ATP2B2: variants seen among roughly 807,000 people sequenced by gnomAD.
ATP2B2 encodes plasma membrane calcium-transporting ATPase 2.
ATP2B2 carries 15 observed loss-of-function variants against 120.0 expected under a neutral mutation model. The ratio of observed to expected loss-of-function variants is 0.12; its 90% CI spans 0.08 to 0.19. The LOEUF is 0.19. Ranked by LOEUF, ATP2B2 falls within the 10% of genes least tolerant of loss-of-function variation. The pLI, the probability that ATP2B2 is intolerant of heterozygous loss-of-function variation, is 1.00. For synonymous variants in ATP2B2, 694 were observed against 700.3 expected (o/e 0.99, Z 0.14); for missense variants, 1,045 against 1,719.8 (o/e 0.61, Z 6.94).
At chr3:10,601,192 C>A (rs1281949974) in intron 2 of ATP2B2, among the ~76,000 whole-genome samples, 2 of 152,098 alleles carry the variant, frequency 1.3e-5, no homozygotes, top group African/African-American at 4.8e-5. Flanking sequence ...ACTCTCTAGG[C>A]AAAAAAGAAG....
intron 5 of ATP2B2, among the ~76,000 whole-genome samples, chr3:10,399,695 T>C (rs2062155654): frequency 6.6e-6 from 1 of 152,226 alleles, no homozygotes; most frequent in South Asian, 2.1e-4. Flanking sequence ...ACTCCTACCA[T>C]CCTGTCCTGC....
At chr3:10,518,610 C>G (rs970156114) in intron 3 of ATP2B2, among the ~76,000 whole-genome samples, 2 of 152,252 alleles carry the variant, frequency 1.3e-5, no homozygotes, top group African/African-American at 4.8e-5. Context: ...TTTCTCCCAG[C>G]CAAGCGCCGC....
At chr3:10,411,317 T>C (rs1049511397) in intron 2 of ATP2B2, among the ~76,000 whole-genome samples, 4 of 151,882 alleles carry the variant, frequency 2.6e-5, no homozygotes, top group South Asian at 2.1e-4. Context: ...CAGAGGGAGG[T>C]GGCCCTGCTG....
chr3:10,408,665 TC>T (rs2062502066), intron 3 of ATP2B2, among the ~76,000 whole-genome samples: 1 of 152,138 alleles, frequency 6.6e-6, no homozygotes, highest in Non-Finnish European at 1.5e-5. Flanking sequence ...CGCAGGCAAG[TC>T]CTTCCCCTCT....
At chr3:10,334,493 G>T (rs1207982682) in intron 22 of ATP2B2, among the ~76,000 whole-genome samples, 1 of 152,192 alleles carries the variant, frequency 6.6e-6, no homozygotes, top group Non-Finnish European at 1.5e-5. Context: ...TGGTCTAAAG[G>T]GGAGGAGGAT....
At position 10,329,178 on chromosome 3, in the gene ATP2B2, TC is replaced by T; in HGVS notation, c.3421-54del. 1.6e-6 allele frequency: 2 copies of T among 1,243,592 alleles called. No individual in the cohort carries two copies. The highest frequency in any genetic ancestry group is 2.2e-6 in the Non-Finnish European group (2 of 894,932). The allele number at this position is 1,243,592 out of a possible 1,614,324, so 77.0% of individuals were successfully genotyped here. On this transcript the variant is annotated intron_variant, in intron 22 of 22. Coordinates refer to ENST00000360273, the MANE Select transcript of ATP2B2 (RefSeq NM_001001331.4). This position sits in a 1 kb window ranked among gnomAD's most constrained non-coding sequence, Gnocchi z 5.9. ...CACTGCCCAGGGACCACAGCCAGGC[TC>T]GGGGGGCTCACAGGAGGGGCGGGTG...
chr3:10,704,475 A>G (rs1285330866), intron 1 of ATP2B2, among the ~76,000 whole-genome samples: 1 of 152,194 alleles, frequency 6.6e-6, no homozygotes, highest in African/African-American at 2.4e-5. Context: ...CCCCCTGTTC[A>G]AAAACTGCTA....
intron 2 of ATP2B2, among the ~76,000 whole-genome samples, chr3:10,433,002 C>T (rs900045140): frequency 6.6e-6 from 1 of 152,118 alleles, no homozygotes; most frequent in Non-Finnish European, 1.5e-5. Flanking sequence ...TGCATCTGCT[C>T]CTGTTTTCAT....
intron 1 of ATP2B2, among the ~76,000 whole-genome samples, chr3:10,502,687 G>A (rs907399843): frequency 6.6e-6 from 1 of 152,234 alleles, no homozygotes; most frequent in Admixed American, 6.5e-5. Flanking sequence ...ACAGCGGTCC[G>A]GCTGCCTAGG....
At chr3:10,438,405 C>A (rs113276170) in intron 2 of ATP2B2, among the ~76,000 whole-genome samples, 2 of 152,200 alleles carry the variant, frequency 1.3e-5, no homozygotes, top group Admixed American at 6.5e-5. Context: ...TACTTCCTGG[C>A]GACTGCTCTG....
chr3:10,599,803 G>A (rs1206286307), intron 2 of ATP2B2, among the ~76,000 whole-genome samples: 2 of 117,966 alleles, frequency 1.7e-5, no homozygotes, highest in East Asian at 2.9e-4. Flanking sequence ...GTTCTATAAG[G>A]GGGTGGGGGG....
chr3:10,488,959 T>C (rs1289462728), intron 1 of ATP2B2, among the ~76,000 whole-genome samples: 2 of 152,174 alleles, frequency 1.3e-5, no homozygotes, highest in African/African-American at 4.8e-5. Flanking sequence ...CACGAGACCC[T>C]GCGTGATCCT....
chr3:10,615,782 C>T (rs548035560), intron 2 of ATP2B2, among the ~76,000 whole-genome samples: 2 of 152,300 alleles, frequency 1.3e-5, no homozygotes, highest in African/African-American at 4.8e-5. Context: ...TCCAGAAGCC[C>T]ATTTCAACTA....
At chr3:10,667,511 G>A (rs1014821070) in intron 1 of ATP2B2, among the ~76,000 whole-genome samples, 6 of 152,250 alleles carry the variant, frequency 3.9e-5, no homozygotes, top group African/African-American at 1.4e-4. Context: ...AGCCTGGGCT[G>A]CAGTCTGCAT....
intron 2 of ATP2B2, among the ~76,000 whole-genome samples, chr3:10,437,091 T>C (rs1013655660): frequency 6.6e-6 from 1 of 152,194 alleles, no homozygotes; most frequent in Admixed American, 6.5e-5. Context: ...ACTTGTCTTC[T>C]TTTCCCCTTT....
At chr3:10,472,333 A>AGGAGAGCCCAGTGACC (rs1321411157) in intron 1 of ATP2B2, among the ~76,000 whole-genome samples, 11 of 152,118 alleles carry the variant, frequency 7.2e-5, no homozygotes, top group African/African-American at 2.7e-4. Context: ...GTTGGGTCTC[A>AGGAGAGCCCAGTGACC]GGAGAGCCCA....
At chr3:10,528,503 T>G (rs79160892) in intron 3 of ATP2B2, among the ~76,000 whole-genome samples, 11,691 of 152,222 alleles carry the variant, frequency 0.077, 515 homozygotes, top group Middle Eastern at 0.15. Context: ...AGAAAACATT[T>G]ATTGTTTCCT....
At chr3:10,702,545 T>G (rs1575635117) in intron 1 of ATP2B2, among the ~76,000 whole-genome samples, 1 of 152,280 alleles carries the variant, frequency 6.6e-6, no homozygotes, top group Non-Finnish European at 1.5e-5. Flanking sequence ...ATAGAGAGGA[T>G]GGAGCATCGC....
chr3:10,431,955 T>G (rs779988598), intron 2 of ATP2B2, among the ~76,000 whole-genome samples: 1 of 152,218 alleles, frequency 6.6e-6, no homozygotes, highest in Non-Finnish European at 1.5e-5. Context: ...AATGAAAGCA[T>G]GGTAGAAGAA....
Sources: allele counts gnomAD v4.1 joint callset (sites outside exome capture counted in the v4.1 genomes callset), GRCh38; gene constraint gnomAD v4.1.1; non-coding constraint Gnocchi (gnomAD v3.1); transcripts MANE v1.5; gene names NCBI Gene and HGNC (gene_info 2026-07-23, HGNC 2026-07-21).